The following NPFFR2 variants were observed in gnomAD, a reference collection of about 807,000 sequenced individuals.
The protein encoded by NPFFR2 is neuropeptide FF receptor 2, also known as G-protein coupled receptor 74.
In NPFFR2, 15 loss-of-function variants were observed where a neutral mutation model predicts 13.1. The observed-to-expected ratio is 1.15, with a 90% CI of 0.77 to 1.76. The LOEUF is 1.76. Among genes scored for constraint, NPFFR2 ranks in the 40% most tolerant of loss-of-function variants. The pLI is 0.00. For missense variants in NPFFR2, 572 were observed against 503.5 expected (o/e 1.14, Z -1.30); for synonymous variants, 190 against 175.7 (o/e 1.08, Z -0.65).
At chr4:72,102,495 T>C (rs965213953) in intron 1 of NPFFR2, among the ~76,000 whole-genome samples, 2 of 151,578 alleles carry the variant, frequency 1.3e-5, no homozygotes, top group Admixed American at 1.3e-4. Context: ...TCATTTACAT[T>C]AGGTATATCT....
chr4:72,074,899 AACTTT>A (rs913799048), intron 1 of NPFFR2, among the ~76,000 whole-genome samples: 7 of 26,520 alleles, frequency 2.6e-4, no homozygotes, highest in Non-Finnish European at 2.2e-3. Flanking sequence ...CATAGACTTT[AACTTT>A]AAAAGATTAT....
chr4:72,147,986 A>G lies in NPFFR2; in HGVS notation c.*174A>G. Reference sequence around the variant, plus strand: ...CAAAAATGGTCATAAGATCATAAACAATCTTATGTTGTATAAAAATACGTA... The same window carrying G: ...CAAAAATGGTCATAAGATCATAAACGATCTTATGTTGTATAAAAATACGTA... On this transcript the variant is annotated 3_prime_UTR_variant, in exon 4 of 4. Transcript: ENST00000308744. 1.9e-6 allele frequency: 1 copy of G among 528,260 alleles called. No individual in the cohort carries two copies. The highest frequency in any genetic ancestry group is 3.3e-6 in the Non-Finnish European group (1 of 305,046). 32.7% of individuals were successfully genotyped at this position (528,260 alleles called of 1,614,324 possible).
At chr4:72,045,958 C>A (rs569908791) in intron 1 of NPFFR2, among the ~76,000 whole-genome samples, 2 of 151,800 alleles carry the variant, frequency 1.3e-5, no homozygotes, top group East Asian at 1.9e-4. Flanking sequence ...ATGTATATGC[C>A]CTATATATGC....
At chr4:72,035,317 T>C (rs1183732085) in intron 1 of NPFFR2, among the ~76,000 whole-genome samples, 6 of 152,238 alleles carry the variant, frequency 3.9e-5, no homozygotes, top group Admixed American at 3.3e-4. Flanking sequence ...CTGAAAAATC[T>C]AAAGGGATTT....
At chr4:72,097,916 A>G (rs941308047) in intron 1 of NPFFR2, among the ~76,000 whole-genome samples, 1 of 152,162 alleles carries the variant, frequency 6.6e-6, no homozygotes, top group Non-Finnish European at 1.5e-5. Context: ...CTTGGAAGCA[A>G]TTTCTGACCT....
intron 1 of NPFFR2, among the ~76,000 whole-genome samples, chr4:72,096,245 A>G (rs1721068770): frequency 6.6e-6 from 1 of 152,196 alleles, no homozygotes; most frequent in Non-Finnish European, 1.5e-5. Context: ...AAAAAGATGA[A>G]TAGGCCATGA....
At chr4:72,120,071 T>C (rs1408674054) in intron 1 of NPFFR2, among the ~76,000 whole-genome samples, 1 of 152,140 alleles carries the variant, frequency 6.6e-6, no homozygotes, top group African/African-American at 2.4e-5. Flanking sequence ...GAAGTAGACC[T>C]GGGAGGCTCC....
At chr4:72,055,328 C>T (rs1205198515) in intron 1 of NPFFR2, among the ~76,000 whole-genome samples, 1 of 151,896 alleles carries the variant, frequency 6.6e-6, no homozygotes, top group Non-Finnish European at 1.5e-5. Context: ...AATATTGCAT[C>T]TGTGAACATG....
At chr4:72,043,949 G>A (rs1004629220) in intron 1 of NPFFR2, among the ~76,000 whole-genome samples, 14 of 152,124 alleles carry the variant, frequency 9.2e-5, no homozygotes, top group African/African-American at 3.4e-4. Flanking sequence ...TTGAATTGTA[G>A]TTCCCAAAAT....
At position 72,124,875 on chromosome 4, in the gene NPFFR2, G is replaced by T. The variant is rs191390198; in HGVS notation, c.-7-3710G>T. 7.9e-5 allele frequency among the ~76,000 whole-genome samples: 12 copies of T among 152,264 alleles called. 1 individual carries two copies. In the South Asian group the frequency reaches 1.2e-3, roughly 16 times the overall value. On this transcript the variant is annotated intron_variant, in intron 1 of 3. Coordinates refer to ENST00000308744, the MANE Select transcript of NPFFR2 (RefSeq NM_004885.3). ...ACATAGGCATGGGCAAGGACTTCAT[G>T]ACTAAAACACCAAAAACAATGGCAA...
chr4:72,037,493 A>G (rs956034514), intron 1 of NPFFR2, among the ~76,000 whole-genome samples: 4 of 151,886 alleles, frequency 2.6e-5, no homozygotes, highest in African/African-American at 9.7e-5. Flanking sequence ...GCACACTGAT[A>G]ATAAACTGAA....
chr4:72,077,373 A>T (rs1303266539), intron 1 of NPFFR2, among the ~76,000 whole-genome samples: 1 of 152,164 alleles, frequency 6.6e-6, no homozygotes, highest in African/African-American at 2.4e-5. Flanking sequence ...CAGGAAAATG[A>T]CAAATTAGCT....
intron 1 of NPFFR2, among the ~76,000 whole-genome samples, chr4:72,037,230 T>TA (rs1365758442): frequency 0.023 from 3,231 of 138,596 alleles, 99 homozygotes; most frequent in East Asian, 0.16. Context: ...GCCTACAAAT[T>TA]AAAAAAAAAA....
chr4:72,119,091 T>TA (rs1371919081), intron 1 of NPFFR2, among the ~76,000 whole-genome samples: 18 of 152,226 alleles, frequency 1.2e-4, no homozygotes, highest in East Asian at 5.8e-4. Context: ...CTGGTATAGC[T>TA]AAAAAAATTT....
At chr4:72,132,288 T>C (rs1001251998) in intron 2 of NPFFR2, among the ~76,000 whole-genome samples, 1 of 152,218 alleles carries the variant, frequency 6.6e-6, no homozygotes, top group Non-Finnish European at 1.5e-5. Flanking sequence ...CTGCAGATAA[T>C]GGCCTCCAGC....
At chr4:72,140,699 G>A (rs970821386) in intron 3 of NPFFR2, among the ~76,000 whole-genome samples, 1 of 152,144 alleles carries the variant, frequency 6.6e-6, no homozygotes, top group African/African-American at 2.4e-5. Context: ...ATGTTCATCA[G>A]GGATATTGGT....
chr4:72,076,568 C>A (rs1403937703), intron 1 of NPFFR2, among the ~76,000 whole-genome samples: 1 of 152,054 alleles, frequency 6.6e-6, no homozygotes, highest in East Asian at 1.9e-4. Flanking sequence ...ATGATCTTAG[C>A]AAGTACAGAT....
At chr4:72,130,595 G>T (rs28575780) in intron 2 of NPFFR2, among the ~76,000 whole-genome samples, 6,654 of 152,204 alleles carry the variant, frequency 0.044, 398 homozygotes, top group African/African-American at 0.14. Context: ...CTTGACCCCT[G>T]CTTGGGACTG....
intron 1 of NPFFR2, among the ~76,000 whole-genome samples, chr4:72,106,160 A>G (rs1054542982): frequency 2.0e-5 from 3 of 151,988 alleles, no homozygotes; most frequent in African/African-American, 7.2e-5. Context: ...AGAGTTTAAT[A>G]TACAAGCCGA....
Sources: gnomAD v4.1 joint callset for allele counts (sites outside exome capture counted in the v4.1 genomes callset) on GRCh38, gnomAD v4.1.1 for gene constraint, MANE v1.5 for transcripts, NCBI Gene and HGNC (gene_info 2026-07-23, HGNC 2026-07-21) for gene names.